Variants in ARID5B observed in about 807,000 individuals in gnomAD.
ARID5B encodes AT-rich interaction domain 5B, also known as AT-rich interactive domain-containing protein 5B.
In ARID5B, 13 loss-of-function variants were observed where a neutral mutation model predicts 97.2. The observed-to-expected ratio is 0.13, with a 90% confidence interval of 0.09 to 0.21. The LOEUF (loss-of-function observed/expected upper bound fraction) is 0.21, where lower values mean the gene tolerates loss of function less well. Ranked by LOEUF, ARID5B falls within the 10% of genes least tolerant of loss-of-function variation. The pLI is 1.00. For missense variants in ARID5B, 1,210 were observed against 1,465.3 expected, an observed-to-expected ratio of 0.83 and a Z score of 2.84; for synonymous variants, 556 against 570.3, an observed-to-expected ratio of 0.97 and a Z score of 0.36.
chr10:61,965,673 T>C (rs964713943), intron 3 of ARID5B, among the ~76,000 whole-genome samples: 1 of 152,222 alleles, frequency 6.6e-6, no homozygotes, highest in Non-Finnish European at 1.5e-5. Context: ...AGGGTTCTAT[T>C]TTTACAACTT....
intron 2 of ARID5B, 26 bp from the exon 3 acceptor site, chr10:61,940,157 T>A: frequency 6.2e-7 from 1 of 1,610,230 alleles, no homozygotes; most frequent in Non-Finnish European, 8.5e-7. Flanking sequence ...TAACGTTTTT[T>A]GTTCTTCCCC....
chr10:62,008,709 C>T (rs1055404106), intron 4 of ARID5B, among the ~76,000 whole-genome samples: 15 of 152,210 alleles, frequency 9.9e-5, no homozygotes, highest in Admixed American at 6.5e-4. Flanking sequence ...CTCAGACCTC[C>T]GGTGGCTTCC....
intron 2 of ARID5B, among the ~76,000 whole-genome samples, chr10:61,908,820 A>AAAAAAAAAAAAGAAG (rs1251041161): frequency 6.8e-6 from 1 of 146,258 alleles, no homozygotes; most frequent in African/African-American, 2.7e-5. Flanking sequence ...AAAAAAAAAA[A>AAAAAAAAAAAAGAAG]AAGAAGAAGA....
At chr10:61,965,842 G>A (rs1477362837) in intron 3 of ARID5B, among the ~76,000 whole-genome samples, 2 of 152,082 alleles carry the variant, frequency 1.3e-5, no homozygotes, top group Non-Finnish European at 2.9e-5. Flanking sequence ...GGTAGGCCAG[G>A]GGTTGTTTTT....
intron 8 of ARID5B, among the ~76,000 whole-genome samples, chr10:62,076,744 C>T (rs1288432556): frequency 6.6e-6 from 1 of 152,128 alleles, no homozygotes; most frequent in Non-Finnish European, 1.5e-5. Flanking sequence ...TTCCAAGTCA[C>T]ATACCCCAAA....
chr10:62,085,619 T>G, intron 8 of ARID5B, 83 bp from the exon 9 acceptor site: 2 of 1,150,014 alleles, frequency 1.7e-6, no homozygotes, highest in Non-Finnish European at 2.5e-6. Context: ...TTGCTTATAT[T>G]GAGAAAAGAA....
chr10:61,943,509 G>C lies in ARID5B; in HGVS notation c.502+3101G>C, dbSNP rs1016204650. ...TTTCTGGTGGAAGTAAGCAAAGAAC[G>C]GAAAGATCTCACCTTTCTATGGATA... is the stretch of plus-strand genomic sequence containing the variant. On this transcript the variant is annotated intron_variant, in intron 3 of 9. Transcript: ENST00000279873. Among the ~76,000 whole-genome samples the C allele has an allele frequency of 3.4e-5, 5 of 148,422 alleles. No homozygotes were observed. In the South Asian group the frequency reaches 6.4e-4, roughly 19 times the overall value.
At chr10:61,939,007 G>A (rs1844354308) in intron 2 of ARID5B, among the ~76,000 whole-genome samples, 1 of 150,000 alleles carries the variant, frequency 6.7e-6, no homozygotes, top group African/African-American at 2.5e-5. Context: ...GTGTGTGTCG[G>A]TGGGGCAGGG....
chr10:62,049,651 T>C (rs1839759208), intron 4 of ARID5B, among the ~76,000 whole-genome samples: 3 of 152,150 alleles, frequency 2.0e-5, no homozygotes, highest in Admixed American at 2.0e-4. Flanking sequence ...TTTTAAACTT[T>C]TGCCTCTCTG....
At chr10:61,989,162 C>T (rs1419514787) in intron 3 of ARID5B, among the ~76,000 whole-genome samples, 1 of 152,070 alleles carries the variant, frequency 6.6e-6, no homozygotes, top group African/African-American at 2.4e-5. Flanking sequence ...ATCTCCTGAT[C>T]TCAAGATCCG....
chr10:61,961,152 G>C (rs1254357377), intron 3 of ARID5B, among the ~76,000 whole-genome samples: 2 of 151,956 alleles, frequency 1.3e-5, no homozygotes, highest in Non-Finnish European at 2.9e-5. Flanking sequence ...CAATAACACT[G>C]TTTTATTATT....
In ARID5B at chr10:61,902,391, G is replaced by C. The variant is rs1258994700; in HGVS notation, c.254G>C (p.Gly85Ala). 6.2e-7 allele frequency: 1 copy of C among 1,614,078 alleles called. No homozygotes were observed. Residue 85 changes from glycine (G) to alanine (A), a missense_variant, in exon 2 of 10, where the codon GGC becomes GCC. Around this residue, in one of 8 missense-constraint regions of ARID5B, gnomAD observed 80 missense variants for 133.2 expected, o/e 0.60. Transcript: ENST00000279873. ...LYFLPEDTPQ[G>A]RNSDHGEDEV... ...TTCCTCCCAGAAGACACTCCCCAGG[G>C]CAGAAATAGCGACCATGGCGAGGTG...
rs1564473607 is a variant in ARID5B, at chr10:62,096,062, G to C, written c.*3032G>C. The C allele has an allele frequency of 1.3e-5, 3 of 233,222 alleles. No individual in the cohort carries two copies. Among genetic ancestry groups the C allele is most frequent in the African/African-American group, 6.6e-5 (3 of 45,338 alleles). 14.4% of individuals were successfully genotyped at this position (233,222 alleles called of 1,614,324 possible). A position where few individuals can be genotyped will look rare whatever the true frequency, so the allele number is the denominator to read the frequency against. On this transcript the variant is annotated 3_prime_UTR_variant, in exon 10 of 10. Coordinates refer to ENST00000279873, the MANE Select transcript of ARID5B (RefSeq NM_032199.3). Reference sequence around the variant, plus strand: ...AAAAAAATAAAAACAGCCCAACCGAGTTTCGGAATTAAGTATTCTTCTAGT... The same window carrying C: ...AAAAAAATAAAAACAGCCCAACCGACTTTCGGAATTAAGTATTCTTCTAGT...
intron 3 of ARID5B, among the ~76,000 whole-genome samples, chr10:61,988,790 A>C (rs1267584821): frequency 6.6e-6 from 1 of 152,212 alleles, no homozygotes; most frequent in African/African-American, 2.4e-5. Flanking sequence ...TAAGGTAGCC[A>C]CTAGCCACCT....
chr10:61,953,050 G>T (rs950739397), intron 3 of ARID5B, among the ~76,000 whole-genome samples: 1 of 151,868 alleles, frequency 6.6e-6, no homozygotes, highest in African/African-American at 2.4e-5. Flanking sequence ...AAGATGACAG[G>T]TTATTAAGAA....
chr10:62,007,426 C>A (rs1409454210), intron 4 of ARID5B, among the ~76,000 whole-genome samples: 1 of 152,076 alleles, frequency 6.6e-6, no homozygotes, highest in African/African-American at 2.4e-5. Flanking sequence ...TCTATGAGGA[C>A]AACAGTTGTG....
At chr10:62,060,364 G>T (rs1009572489) in intron 7 of ARID5B, among the ~76,000 whole-genome samples, 1 of 152,084 alleles carries the variant, frequency 6.6e-6, no homozygotes, top group Non-Finnish European at 1.5e-5. Context: ...TATGAATTCC[G>T]ACTAAAAATT....
chr10:62,050,973 C>T lies in ARID5B; in HGVS notation c.819C>T (p.Asn273=), dbSNP rs150752704. ...TCAGTGGTGTTAAGGATTCCAACAA[C>T]AATTCCGATGGCAAAGCCGTTGCCA... ...DSFSGVKDSN[N]NSDGKAVAKV... Residue 273 remains asparagine (N), a synonymous_variant, in exon 5 of 10, where the codon AAC becomes AAT. Transcript: ENST00000279873. The T allele has an allele frequency of 5.4e-4, 866 of 1,614,154 alleles. 8 individuals are homozygous for T. In the African/African-American group the frequency reaches 0.011, roughly 20 times the overall value.
At chr10:61,945,774 A>G (rs966461470) in intron 3 of ARID5B, among the ~76,000 whole-genome samples, 3 of 152,016 alleles carry the variant, frequency 2.0e-5, no homozygotes, top group Non-Finnish European at 4.4e-5. Context: ...TTATTAGTAC[A>G]TTATTATTAT....
Sources: allele counts gnomAD v4.1 joint callset (sites outside exome capture counted in the v4.1 genomes callset), GRCh38; gene constraint gnomAD v4.1.1; regional missense constraint gnomAD v4.1.1; transcripts MANE v1.5; gene names NCBI Gene and HGNC (gene_info 2026-07-23, HGNC 2026-07-21).